Variants in TCERG1L observed in about 807,000 individuals in gnomAD.
The protein encoded by TCERG1L is transcription elongation regulator 1 like.
In TCERG1L, 37 loss-of-function variants were observed where a neutral mutation model predicts 56.3. That is an observed-to-expected ratio of 0.66 (90% confidence interval 0.51 to 0.87). The LOEUF is 0.87. Among genes scored for constraint, TCERG1L ranks in the 40% least tolerant of loss-of-function variants. The pLI is 0.00. For synonymous variants in TCERG1L, 324 were observed against 326.3 expected (o/e 0.99, Z 0.08); for missense variants, 799 against 774.2 (o/e 1.03, Z -0.38).
chr10:131,301,793 T>C (rs533108174), intron 3 of TCERG1L, among the ~76,000 whole-genome samples: 1 of 151,358 alleles, frequency 6.6e-6, no homozygotes, highest in African/African-American at 2.4e-5. Flanking sequence ...ACAGAATAAA[T>C]CAAAAGAATA....
At chr10:131,160,503 G>A (rs550394473) in intron 6 of TCERG1L, among the ~76,000 whole-genome samples, 36 of 152,062 alleles carry the variant, frequency 2.4e-4, no homozygotes, top group Admixed American at 3.9e-4. Context: ...CCCAGCACCC[G>A]CCATTCATTC....
At chr10:131,305,848 T>C (rs1219138160) in intron 3 of TCERG1L, among the ~76,000 whole-genome samples, 4 of 151,904 alleles carry the variant, frequency 2.6e-5, no homozygotes, top group Non-Finnish European at 5.9e-5. Context: ...TATTATATAA[T>C]AGATTTATAC....
At chr10:131,134,698 G>A (rs1589724691) in intron 7 of TCERG1L, among the ~76,000 whole-genome samples, 3 of 152,316 alleles carry the variant, frequency 2.0e-5, no homozygotes, top group Middle Eastern at 6.8e-3. Flanking sequence ...GCAGGTGCTG[G>A]GCCTTCCAGA....
chr10:131,110,724 A>G lies in TCERG1L; in HGVS notation c.1395+6075T>C, dbSNP rs770757618. 2.0e-5 allele frequency among the ~76,000 whole-genome samples: 3 copies of G among 152,326 alleles called. No individual in the cohort carries two copies. The East Asian group carries it at 5.8e-4, about 30-fold the overall frequency. On this transcript the variant is annotated intron_variant, in intron 9 of 11. Coordinates refer to ENST00000368642, the MANE Select transcript of TCERG1L (RefSeq NM_174937.4). ...TCTAACTTCAGTCCCGGCTTCACCAAAAGCCTCTCTGGAGACTGAGAAACT... is the reference window on the plus strand; with the variant it reads ...TCTAACTTCAGTCCCGGCTTCACCAGAAGCCTCTCTGGAGACTGAGAAACT...
chr10:131,311,470 C>T lies in TCERG1L; in HGVS notation c.166G>A (p.Val56Ile). ...GCGAGCAGCACCGGGGGAACCACGA[C>T]CCCCGCGCTGAGCCGGAGCAGCCCG... ...SAGLLRLSAG[V>I]VVPPVLLASA... The change falls in exon 1 of 12, where the codon GTC (valine) becomes ATC (isoleucine). Residue 56 changes from valine (V) to isoleucine (I), a missense_variant. Transcript: ENST00000368642. This position sits in a 1 kb window ranked among gnomAD's most constrained non-coding sequence, Gnocchi z 4.0. The T allele has an allele frequency of 8.4e-7, 1 of 1,187,728 alleles. No homozygotes were observed. Among genetic ancestry groups the T allele is most frequent in the Non-Finnish European group, 1.0e-6 (1 of 961,158 alleles). The allele number at this position is 1,187,728 out of a possible 1,614,324, so 73.6% of individuals were successfully genotyped here.
chr10:131,170,743 ACTCCT>A (rs1171608892), intron 4 of TCERG1L, among the ~76,000 whole-genome samples: 1 of 151,464 alleles, frequency 6.6e-6, no homozygotes, highest in Non-Finnish European at 1.5e-5. Context: ...GCAATTAGAC[ACTCCT>A]CTCCTCCTCT....
intron 4 of TCERG1L, among the ~76,000 whole-genome samples, chr10:131,189,260 C>T (rs1436548787): frequency 2.0e-5 from 3 of 152,170 alleles, no homozygotes; most frequent in African/African-American, 4.8e-5. Flanking sequence ...CAAGTCATGG[C>T]TGTTAGTGTA....
chr10:131,214,565 C>T (rs1036075917), intron 4 of TCERG1L, among the ~76,000 whole-genome samples: 1 of 152,226 alleles, frequency 6.6e-6, no homozygotes, highest in Non-Finnish European at 1.5e-5. Flanking sequence ...GAAAATAGCA[C>T]CTTCTCCTGC....
chr10:131,194,500 G>A (rs1348956756), intron 4 of TCERG1L, among the ~76,000 whole-genome samples: 1 of 152,156 alleles, frequency 6.6e-6, no homozygotes, highest in Non-Finnish European at 1.5e-5. Context: ...TTTTGACTTT[G>A]CTTGTGATCA....
intron 11 of TCERG1L, among the ~76,000 whole-genome samples, chr10:131,096,279 C>T (rs1292605603): frequency 1.3e-5 from 2 of 152,198 alleles, no homozygotes; most frequent in South Asian, 2.1e-4. Flanking sequence ...TTGCCTCCTC[C>T]GCCTCTGTCC....
At chr10:131,095,703 A>G (rs1007694378) in intron 11 of TCERG1L, 2 of 152,242 alleles carry the variant, frequency 1.3e-5, no homozygotes, top group African/African-American at 4.8e-5. Context: ...TATAGTAAGC[A>G]TCTTATCTCT....
At chr10:131,136,775 C>T (rs973360922) in intron 7 of TCERG1L, among the ~76,000 whole-genome samples, 3 of 150,884 alleles carry the variant, frequency 2.0e-5, no homozygotes, top group African/African-American at 7.3e-5. Context: ...GGATTACAGG[C>T]GTGAGCCACC....
intron 4 of TCERG1L, among the ~76,000 whole-genome samples, chr10:131,234,458 CT>C (rs917959130): frequency 4.0e-4 from 61 of 151,890 alleles, no homozygotes; most frequent in Non-Finnish European, 8.1e-4. Context: ...CTATTAAAAC[CT>C]TTTTTTTATT....
chr10:131,177,345 C>T (rs1397327988), intron 4 of TCERG1L, among the ~76,000 whole-genome samples: 1 of 152,264 alleles, frequency 6.6e-6, no homozygotes, highest in Non-Finnish European at 1.5e-5. Context: ...AGGCATTGCT[C>T]ACAAGCTCAC....
At chr10:131,168,730 C>T (rs1020755167) in intron 4 of TCERG1L, among the ~76,000 whole-genome samples, 3 of 152,184 alleles carry the variant, frequency 2.0e-5, no homozygotes, top group South Asian at 2.1e-4. Flanking sequence ...CCCTTAGTGC[C>T]GGCTGCTGGC....
chr10:131,243,918 C>T (rs889828193), intron 4 of TCERG1L, among the ~76,000 whole-genome samples: 12 of 152,184 alleles, frequency 7.9e-5, no homozygotes, highest in African/African-American at 2.4e-4. Flanking sequence ...TTCACAAAAT[C>T]GTGAGCTACA....
chr10:131,281,794 C>T (rs541248295), intron 3 of TCERG1L, among the ~76,000 whole-genome samples: 1 of 141,210 alleles, frequency 7.1e-6, no homozygotes, highest in African/African-American at 2.7e-5. Flanking sequence ...TGATCCGCCC[C>T]CTGCTTACCA....
chr10:131,138,253 C>T (rs1845696809), intron 7 of TCERG1L, among the ~76,000 whole-genome samples: 2 of 152,134 alleles, frequency 1.3e-5, no homozygotes, highest in African/African-American at 4.8e-5. Flanking sequence ...GCACTCCAGC[C>T]TGTGTGACAG....
chr10:131,186,917 A>G (rs764240540), intron 4 of TCERG1L, among the ~76,000 whole-genome samples: 1 of 152,246 alleles, frequency 6.6e-6, no homozygotes, highest in Admixed American at 6.5e-5. Flanking sequence ...ATGGAAGGTG[A>G]TATCAATGAA....
Sources: allele counts gnomAD v4.1 joint callset (sites outside exome capture counted in the v4.1 genomes callset), GRCh38; gene constraint gnomAD v4.1.1; non-coding constraint Gnocchi (gnomAD v3.1); transcripts MANE v1.5; gene names NCBI Gene and HGNC (gene_info 2026-07-23, HGNC 2026-07-21).